PCSK5: variants seen among roughly 807,000 people sequenced by gnomAD.
PCSK5 encodes the protein proprotein convertase subtilisin/kexin type 5.
A neutral mutation model predicts 233.2 loss-of-function variants in PCSK5; 129 were observed. That is an observed-to-expected ratio of 0.55 (90% CI 0.48 to 0.64). PCSK5 has a LOEUF of 0.64. Among genes scored for constraint, PCSK5 ranks in the 30% least tolerant of loss-of-function variants. The pLI is 0.00. For missense variants in PCSK5, 2,076 were observed against 2,430.1 expected, an observed-to-expected ratio of 0.85 and a Z score of 3.06; for synonymous variants, 825 against 879.2, an observed-to-expected ratio of 0.94 and a Z score of 1.09.
intron 17 of PCSK5, among the ~76,000 whole-genome samples, chr9:76,187,586 CT>C (rs1165404483): frequency 6.6e-6 from 1 of 152,086 alleles, no homozygotes; most frequent in Admixed American, 6.6e-5. Flanking sequence ...TAGTCTCAAA[CT>C]CCTGGCTTCG....
In PCSK5 at chr9:76,043,115, G is replaced by T. The variant is rs1829195266; in HGVS notation, c.632+16078G>T. ...TAATCCCAGCACTTTGGGAGGCCGA[G>T]GCGGGCGGATCACAGGGTCAGGAGA... On this transcript the variant is annotated intron_variant, in intron 5 of 37. Coordinates refer to ENST00000674117, the MANE Select transcript of PCSK5 (RefSeq NM_001372043.1). Among the ~76,000 whole-genome samples, 2 of 152,130 alleles carry T rather than the reference G, an allele frequency of 1.3e-5. 1 individual carries two copies. Among genetic ancestry groups the T allele is most frequent in the South Asian group, 4.1e-4 (2 of 4,836 alleles).
At chr9:76,358,361 A>G (rs570446048) in intron 37 of PCSK5, among the ~76,000 whole-genome samples, 152 bp from the exon 38 acceptor site, 2 of 150,750 alleles carry the variant, frequency 1.3e-5, no homozygotes, top group Non-Finnish European at 2.9e-5. Context: ...TAAAATTAAA[A>G]TTAAAAACAG....
chr9:76,244,059 A>G (rs1826508475), intron 24 of PCSK5, among the ~76,000 whole-genome samples: 1 of 152,156 alleles, frequency 6.6e-6, no homozygotes, highest in Non-Finnish European at 1.5e-5. Context: ...CCCTGTCTCT[A>G]CAACAAAATA....
At chr9:76,246,611 A>G (rs1162311212) in intron 24 of PCSK5, among the ~76,000 whole-genome samples, 2 of 152,164 alleles carry the variant, frequency 1.3e-5, no homozygotes, top group African/African-American at 4.8e-5. Context: ...CAGATTCAAA[A>G]CAGCATATTC....
chr9:76,299,667 C>G (rs12341646), intron 27 of PCSK5, among the ~76,000 whole-genome samples: 2 of 152,118 alleles, frequency 1.3e-5, no homozygotes, highest in South Asian at 4.2e-4. Flanking sequence ...GAGACTCCAT[C>G]TAAAACAACA....
chr9:76,109,557 ATTG>A (rs1432447178), intron 9 of PCSK5, among the ~76,000 whole-genome samples: 1 of 116,296 alleles, frequency 8.6e-6, no homozygotes, highest in East Asian at 2.2e-4. Context: ...AAAGACTACA[ATTG>A]TTTTTTTTTT....
chr9:76,214,197 C>T (rs1282010928), intron 20 of PCSK5, among the ~76,000 whole-genome samples: 1 of 152,084 alleles, frequency 6.6e-6, no homozygotes, highest in Non-Finnish European at 1.5e-5. Flanking sequence ...TCCAACACTC[C>T]ACGCCCCATG....
rs1587755149 is a variant in PCSK5 at position 76,204,111 on chromosome 9, T to C, written c.2626+14365T>C. ...TAAACCAGAATTTTTTATTCATTGT[T>C]GATCCCTCTGCCTCCACTAATATCC... is the stretch of plus-strand genomic sequence containing the variant. On this transcript the variant is annotated intron_variant, in intron 20 of 37. Transcript: ENST00000674117. Among the ~76,000 whole-genome samples the C allele has an allele frequency of 2.0e-5, 3 of 152,342 alleles. No individual in the cohort carries two copies. The South Asian group carries it at 6.2e-4, about 32-fold the overall frequency.
intron 3 of PCSK5, among the ~76,000 whole-genome samples, chr9:76,019,971 A>G (rs995670550): frequency 6.6e-6 from 1 of 152,238 alleles, no homozygotes. Flanking sequence ...TACATTTACT[A>G]TAAATATTTA....
intron 12 of PCSK5, among the ~76,000 whole-genome samples, chr9:76,159,854 C>T (rs1313232184): frequency 7.5e-6 from 1 of 134,120 alleles, no homozygotes; most frequent in East Asian, 2.3e-4. Context: ...GACGGAGTCT[C>T]ACTCTGTCTC....
At chr9:76,214,033 G>C (rs1031739841) in intron 20 of PCSK5, among the ~76,000 whole-genome samples, 5 of 152,186 alleles carry the variant, frequency 3.3e-5, no homozygotes, top group African/African-American at 9.7e-5. Flanking sequence ...CCCAGAATAA[G>C]CAAGAGATGG....
rs1564081347 is a variant in PCSK5, at chr9:76,175,271, G to GGAATGGAATGGAATC, written c.1900+146_1900+147insGGAATGGAATCGAAT. On this transcript the variant is annotated intron_variant, in intron 14 of 37. Coordinates refer to ENST00000674117, the MANE Select transcript of PCSK5 (RefSeq NM_001372043.1). ...GGAATGGAATGGAATGGAATGGAAT[G>GGAATGGAATGGAATC]GAATCGAATCGAATCGAATCGAATA... The GGAATGGAATGGAATC allele has an allele frequency of 3.0e-4, 157 of 517,174 alleles. 1 individual carries two copies. Among genetic ancestry groups the GGAATGGAATGGAATC allele is most frequent in the African/African-American group, 2.7e-3 (100 of 37,602 alleles). The allele number at this position is 517,174 out of a possible 1,614,324, so 32.0% of individuals were successfully genotyped here.
chr9:76,046,174 T>TTTG (rs1829375843), intron 5 of PCSK5, among the ~76,000 whole-genome samples: 1 of 109,704 alleles, frequency 9.1e-6, no homozygotes, highest in Non-Finnish European at 1.9e-5. Flanking sequence ...TTTTTTTTTT[T>TTTG]TTTTTTTTTT....
At chr9:76,202,916 C>A (rs1482777596) in intron 20 of PCSK5, among the ~76,000 whole-genome samples, 1 of 151,952 alleles carries the variant, frequency 6.6e-6, no homozygotes, top group African/African-American at 2.4e-5. Flanking sequence ...GGTAAAATAT[C>A]TTGTAGAGAA....
At chr9:76,252,094 C>T (rs1335883203) in intron 24 of PCSK5, among the ~76,000 whole-genome samples, 1 of 151,926 alleles carries the variant, frequency 6.6e-6, no homozygotes, top group South Asian at 2.1e-4. Flanking sequence ...GGTGAAACCC[C>T]GTCTCTACTA....
chr9:75,970,238 T>C (rs193233075), intron 2 of PCSK5, among the ~76,000 whole-genome samples: 72 of 152,310 alleles, frequency 4.7e-4, no homozygotes, highest in Admixed American at 1.8e-3. Context: ...TAATTCAATC[T>C]CTCATTAATT....
At chr9:75,947,295 T>G (rs1417540591) in intron 2 of PCSK5, among the ~76,000 whole-genome samples, 1 of 151,910 alleles carries the variant, frequency 6.6e-6, no homozygotes, top group Non-Finnish European at 1.5e-5. Context: ...GCCATGAAAA[T>G]TAGAATTAGA....
intron 2 of PCSK5, among the ~76,000 whole-genome samples, chr9:75,942,032 A>G (rs1824329729): frequency 6.6e-6 from 1 of 152,232 alleles, no homozygotes; most frequent in South Asian, 2.1e-4. Flanking sequence ...TCACTTCAAA[A>G]GGTCATAAAC....
At chr9:76,331,907 G>A (rs559014465) in intron 33 of PCSK5, among the ~76,000 whole-genome samples, 3 of 152,326 alleles carry the variant, frequency 2.0e-5, no homozygotes, top group South Asian at 4.1e-4. Context: ...CTGACCTCCA[G>A]AACAGTAAGA....
Sources: gnomAD v4.1 joint callset for allele counts (sites outside exome capture counted in the v4.1 genomes callset) on GRCh38, gnomAD v4.1.1 for gene constraint, MANE v1.5 for transcripts, NCBI Gene and HGNC (gene_info 2026-07-23, HGNC 2026-07-21) for gene names.